The following KAT6B variants were observed in gnomAD, a reference collection of about 807,000 sequenced individuals.
The protein encoded by KAT6B is lysine acetyltransferase 6B.
Under a neutral mutation model 187.5 loss-of-function variants are expected in KAT6B, and 10 were observed. The observed-to-expected ratio is 0.05, with a 90% CI of 0.03 to 0.09. KAT6B has a LOEUF of 0.09. Ranked by LOEUF, KAT6B falls within the 10% of genes least tolerant of loss-of-function variation. The pLI is 1.00. For missense variants in KAT6B, 1,952 were observed against 2,558.9 expected (o/e 0.76, Z 5.12); for synonymous variants, 861 against 926.8 (o/e 0.93, Z 1.29).
chr10:75,029,729 C>T lies in KAT6B; in HGVS notation c.4905C>T (p.Ala1635=). The T allele has an allele frequency of 1.2e-6, 2 of 1,614,190 alleles. No homozygotes were observed. The highest frequency in any genetic ancestry group is 1.7e-6 in the Non-Finnish European group (2 of 1,180,034). The change falls in exon 18 of 18, where the codon GCC becomes GCT. Residue 1635 remains alanine, a synonymous_variant. Transcript: ENST00000287239. This position sits in a 1 kb window ranked among gnomAD's most constrained non-coding sequence, Gnocchi z 6.2. The stretch of plus-strand genomic sequence containing the variant: ...CCCAAATCAGCCCAGATCAAAGTGC[C>T]ATCTCAGTGCCATCTCTGCAGAACA... ...SYAQISPDQS[A]ISVPSLQNME...
At chr10:74,826,011 T>A (rs569248617), upstream of KAT6B, among the ~76,000 whole-genome samples, 11 of 151,536 alleles carry the variant, frequency 7.3e-5, 1 homozygote, top group Admixed American at 6.6e-4. Flanking sequence ...AGCTGGCGAC[T>A]GAGAACCTCG....
chr10:74,910,490 G>C (rs1281480929), intron 3 of KAT6B, among the ~76,000 whole-genome samples: 2 of 152,088 alleles, frequency 1.3e-5, no homozygotes, highest in African/African-American at 4.8e-5. Context: ...TTGGCTTCTA[G>C]AGATAACTTC....
intron 3 of KAT6B, among the ~76,000 whole-genome samples, chr10:74,938,783 C>CACAATCTCAGCAA (rs1402736968): frequency 1.3e-5 from 2 of 152,098 alleles, no homozygotes; most frequent in Non-Finnish European, 2.9e-5. Flanking sequence ...GTCACACAGG[C>CACAATCTCAGCAA]TGGAGTGCAA....
At chr10:75,007,933 C>T (rs541197617) in intron 13 of KAT6B, among the ~76,000 whole-genome samples, 13 of 152,244 alleles carry the variant, frequency 8.5e-5, no homozygotes, top group African/African-American at 1.7e-4. Context: ...ATTTAGTGTA[C>T]GGGCATCAAC....
At chr10:74,889,793 G>A (rs1589557035) in intron 3 of KAT6B, among the ~76,000 whole-genome samples, 1 of 152,336 alleles carries the variant, frequency 6.6e-6, no homozygotes, top group Non-Finnish European at 1.5e-5. Flanking sequence ...GTTGGAGGCA[G>A]GCTCTGCTTG....
At chr10:74,825,186 T>C (rs912778936), upstream of KAT6B, among the ~76,000 whole-genome samples, 1 of 152,146 alleles carries the variant, frequency 6.6e-6, no homozygotes, top group Non-Finnish European at 1.5e-5. This position sits in a 1 kb window ranked among gnomAD's most constrained non-coding sequence, Gnocchi z 5.0. Context: ...AGGACGAAGT[T>C]TGGGGCCCAC....
In KAT6B at chr10:74,961,147, T is replaced by C. The variant is rs574569822; in HGVS notation, c.730+1069T>C. 8.5e-5 allele frequency among the ~76,000 whole-genome samples: 13 copies of C among 152,284 alleles called. No homozygotes were observed. The South Asian group carries it at 2.7e-3, about 32-fold the overall frequency. ...GGGCTTTACAGATTCATTAAAATTC[T>C]TTTACCTGGCCATGGCATCATGGAT... On this transcript the variant is annotated intron_variant, in intron 4 of 17. Coordinates refer to ENST00000287239, the MANE Select transcript of KAT6B (RefSeq NM_012330.4).
chr10:74,965,996 A>G (rs1179466114), intron 4 of KAT6B, among the ~76,000 whole-genome samples: 1 of 151,492 alleles, frequency 6.6e-6, no homozygotes, highest in Non-Finnish European at 1.5e-5. Flanking sequence ...TGGCCTCCCA[A>G]AGTTCTGGGA....
chr10:75,028,389 C>T, intron 17 of KAT6B, 100 bp from the exon 18 acceptor site: 1 of 1,542,340 alleles, frequency 6.5e-7, no homozygotes, highest in Non-Finnish European at 8.9e-7. Context: ...AAATTGAAAG[C>T]AGTGTTTGCT....
Position 74,977,317 on chromosome 10 carries a change from T to C in KAT6B, c.1995T>C (p.Asp665=), listed in dbSNP as rs1431579554. The change falls in exon 9 of 18, where the codon GAT becomes GAC. Residue 665 remains aspartate, a splice_region_variant and synonymous_variant. Transcript: ENST00000287239. ...DGRIKPDQDD[D]TEIKINIKQE... The stretch of plus-strand genomic sequence containing the variant: ...CTTTCTGCTGGTTTTAAATGACAGA[T>C]ACTGAAATAAAAATAAACATCAAAC... 3.7e-6 allele frequency: 6 copies of C among 1,612,956 alleles called. No individual in the cohort carries two copies. Among genetic ancestry groups the C allele is most frequent in the African/African-American group, 1.3e-5 (1 of 74,892 alleles).
chr10:74,964,256 G>A (rs1841307117), intron 4 of KAT6B, among the ~76,000 whole-genome samples: 1 of 152,216 alleles, frequency 6.6e-6, no homozygotes, highest in Admixed American at 6.5e-5. Context: ...CACTAAAACT[G>A]TGCTTGTCTG....
chr10:74,872,776 A>C (rs528458513), intron 3 of KAT6B, among the ~76,000 whole-genome samples: 4 of 151,842 alleles, frequency 2.6e-5, no homozygotes, highest in Non-Finnish European at 5.9e-5. Flanking sequence ...TGGTCTTCCA[A>C]AGTGTTGGGG....
At chr10:74,857,632 G>A (rs538473615) in intron 3 of KAT6B, among the ~76,000 whole-genome samples, 5 of 152,162 alleles carry the variant, frequency 3.3e-5, no homozygotes, top group African/African-American at 4.8e-5. Flanking sequence ...TGCCACACAG[G>A]GTTTAGTATT....
intron 11 of KAT6B, chr10:74,983,084 T>G (rs939259184): frequency 6.6e-6 from 1 of 152,272 alleles, no homozygotes; most frequent in African/African-American, 2.4e-5. Context: ...TTTCTCTTTT[T>G]CTATCAGCTC....
chr10:74,928,336 A>G (rs962124921), intron 3 of KAT6B, among the ~76,000 whole-genome samples: 2 of 152,182 alleles, frequency 1.3e-5, no homozygotes, highest in African/African-American at 2.4e-5. Context: ...ATAAAGGTGC[A>G]AGATTCAGTC....
intron 3 of KAT6B, among the ~76,000 whole-genome samples, chr10:74,872,791 A>C (rs1844094869): frequency 6.6e-6 from 1 of 151,994 alleles, no homozygotes; most frequent in African/African-American, 2.4e-5. Flanking sequence ...TTGGGGTTAC[A>C]GGCATGAGCC....
chr10:74,908,709 AT>A (rs1846975094), intron 3 of KAT6B, among the ~76,000 whole-genome samples: 1 of 152,194 alleles, frequency 6.6e-6, no homozygotes, highest in African/African-American at 2.4e-5. Context: ...AACCTAGTAT[AT>A]TCCCCCTGAT....
In KAT6B at chr10:74,842,754, G is replaced by T; in HGVS notation, c.-104G>T. On this transcript the variant is annotated 5_prime_UTR_variant, in exon 3 of 18. Transcript: ENST00000287239. ...TGCTTAATACAGTCTGGAATACTCT[G>T]TCCATTTGTTGAATTGTAAATGACT... The T allele has an allele frequency of 8.0e-7, 1 of 1,246,810 alleles. No individual in the cohort carries two copies. The highest frequency in any genetic ancestry group is 1.2e-6 in the Non-Finnish European group (1 of 855,720). 77.2% of individuals were successfully genotyped at this position (1,246,810 alleles called of 1,614,324 possible). A position where few individuals can be genotyped will look rare whatever the true frequency, so the allele number is the denominator to read the frequency against.
intron 13 of KAT6B, among the ~76,000 whole-genome samples, chr10:75,017,101 G>T (rs1466309163): frequency 6.6e-6 from 1 of 151,960 alleles, no homozygotes; most frequent in Non-Finnish European, 1.5e-5. Context: ...GACCTCAGGT[G>T]ATCTGCCCAC....
Sources: allele counts gnomAD v4.1 joint callset (sites outside exome capture counted in the v4.1 genomes callset), GRCh38; gene constraint gnomAD v4.1.1; non-coding constraint Gnocchi (gnomAD v3.1); transcripts MANE v1.5; gene names NCBI Gene and HGNC (gene_info 2026-07-23, HGNC 2026-07-21).